The following PRRT4 variants were observed in gnomAD, a reference collection of about 807,000 sequenced individuals.
The protein encoded by PRRT4 is proline-rich transmembrane protein 4.
PRRT4 carries 59 observed loss-of-function variants against 55.6 expected under a neutral mutation model. The observed-to-expected ratio is 1.06, with a 90% CI of 0.86 to 1.32. PRRT4 has a LOEUF of 1.32. Among genes scored for constraint, PRRT4 ranks in the 40% most tolerant of loss-of-function variants. The pLI is 0.00. For synonymous variants in PRRT4, 606 were observed against 601.8 expected (o/e 1.01, Z -0.10); for missense variants, 1,217 against 1,222.0 (o/e 1.00, Z 0.06).
At position 128,361,578 on chromosome 7, in the gene PRRT4, C is replaced by CCCGCGCT. The variant is rs1214426414; in HGVS notation, c.-97_-91dup. On this transcript the variant is annotated 5_prime_UTR_variant, in exon 1 of 5. Transcript: ENST00000535159. ...GCTCTCACCAGGCGGGCGGCCAGGC[C>CCCGCGCT]CCGCGCTCCGCACTCCGCACTCCGC... 18 of 152,426 alleles carry CCCGCGCT rather than the reference C, an allele frequency of 1.2e-4. No individual in the cohort carries two copies. In the South Asian group the frequency reaches 2.0e-3, roughly 17 times the overall value. 9.4% of individuals were successfully genotyped at this position (152,426 alleles called of 1,614,324 possible).
chr7:128,351,437 A>G, exon 5 of PRRT4: 1 of 1,526,280 alleles, frequency 6.6e-7, no homozygotes. Context: ...GAAGCCGGGG[A>G]CGGGGCCGGG....
intron 4 of PRRT4, among the ~76,000 whole-genome samples, chr7:128,352,907 A>G (rs1180784349): frequency 1.3e-5 from 2 of 148,724 alleles, no homozygotes; most frequent in Non-Finnish European, 3.0e-5. Context: ...TCCTTCTCCT[A>G]CTTCTCGCGC....
exon 5 of PRRT4, chr7:128,351,305 C>T (rs772396929): frequency 2.4e-5 from 37 of 1,544,036 alleles, no homozygotes; most frequent in Non-Finnish European, 2.9e-5. Context: ...TCCTCGAAGG[C>T]AGGGCCCTGG....
chr7:128,359,551 C>A (rs1797193454), exon 2 of PRRT4: 4 of 1,490,930 alleles, frequency 2.7e-6, no homozygotes, highest in African/African-American at 1.4e-5. Flanking sequence ...TCCTCCTGGG[C>A]TGATAGGGGG....
At position 128,361,239 on chromosome 7, in the gene PRRT4, C is replaced by T. The variant is rs148000828; in HGVS notation, c.-73+322G>A. On this transcript the variant is annotated intron_variant, in intron 1 of 4. Transcript: ENST00000535159. The stretch of plus-strand genomic sequence containing the variant: ...CCCACACTCGTACACGCCCACCACC[C>T]CTCGCAGGCACACATGCACACACGC... 0.036 allele frequency: 5,459 copies of T among 149,728 alleles called. 141 individuals carry two copies. The highest frequency in any genetic ancestry group is 0.083 in the Middle Eastern group (23 of 276). The allele number at this position is 149,728 out of a possible 1,614,324, so 9.3% of individuals were successfully genotyped here.
chr7:128,354,077 C>T (rs551959186), intron 4 of PRRT4, among the ~76,000 whole-genome samples: 4 of 152,198 alleles, frequency 2.6e-5, no homozygotes, highest in South Asian at 4.2e-4. Context: ...GAAAGGGTGG[C>T]GAAGGATGTG....
chr7:128,355,235 T>C (rs1797089331), intron 4 of PRRT4, among the ~76,000 whole-genome samples: 1 of 152,234 alleles, frequency 6.6e-6, no homozygotes, highest in African/African-American at 2.4e-5. Context: ...TCTCACTTCA[T>C]TGCCCAGGCT....
At chr7:128,351,315 G>T in exon 5 of PRRT4, 1 of 1,545,242 alleles carries the variant, frequency 6.5e-7, no homozygotes. Flanking sequence ...CAGGGCCCTG[G>T]AAGAGGCCAG....
exon 5 of PRRT4, chr7:128,352,637 G>C: frequency 6.5e-7 from 1 of 1,539,128 alleles, no homozygotes; most frequent in Non-Finnish European, 8.7e-7. Context: ...AGGCTGGCGG[G>C]AGGAGAGAGG....
exon 2 of PRRT4, chr7:128,359,450 T>A: frequency 6.8e-7 from 1 of 1,462,410 alleles, no homozygotes; most frequent in South Asian, 1.5e-5. Context: ...CAGTGCCATG[T>A]CAAACTTCAG....
At chr7:128,351,033 T>G in exon 5 of PRRT4, 3 of 1,549,514 alleles carry the variant, frequency 1.9e-6, no homozygotes, top group Non-Finnish European at 2.6e-6. Flanking sequence ...TGGGGCTGCT[T>G]CCTGAGGGCC....
intron 3 of PRRT4, 115 bp downstream of exon 4, chr7:128,359,034 G>T: frequency 7.9e-7 from 1 of 1,260,596 alleles, no homozygotes; most frequent in Non-Finnish European, 1.1e-6. Context: ...ATATCCTAGG[G>T]CCTGGAAGAA....
chr7:128,360,840 C>A (rs1180600083), intron 1 of PRRT4, among the ~76,000 whole-genome samples: 1 of 152,100 alleles, frequency 6.6e-6, no homozygotes, highest in African/African-American at 2.4e-5. Context: ...AGAACTCTCT[C>A]CTCTGTGCGC....
exon 5 of PRRT4, chr7:128,351,758 A>G (rs1200733722): frequency 6.9e-7 from 1 of 1,447,666 alleles, no homozygotes; most frequent in Non-Finnish European, 9.0e-7. Flanking sequence ...CCTAGCTGGA[A>G]GGCCCACCAG....
chr7:128,356,870 G>A (rs1182307486), intron 4 of PRRT4, among the ~76,000 whole-genome samples: 1 of 152,196 alleles, frequency 6.6e-6, no homozygotes, highest in African/African-American at 2.4e-5. Flanking sequence ...TTCATGGAGG[G>A]TGGTTACACT....
In PRRT4 at chr7:128,359,160, G is replaced by A. The variant is rs1036124134; in HGVS notation, c.746C>T (p.Ser249Leu). 28 of 1,551,608 alleles carry A rather than the reference G, an allele frequency of 1.8e-5. No homozygotes were observed. The highest frequency in any genetic ancestry group is 3.9e-5 in the Admixed American group (2 of 50,988). ...TGAAATAAACTCACCCAGAGAACCC[G>A]AAACTCCAGAGGCAGAGCTTGTGGA... The change falls in exon 3 of 5, where the codon TCG becomes TTG. Residue 249 changes from serine to leucine, a missense_variant. By Grantham distance (145) the Ser-to-Leu change is moderately radical. This residue lies in a region of PRRT4 where 564 missense variants were observed against 592.9 expected (regional missense o/e 0.95). Transcript: ENST00000535159.
chr7:128,351,007 C>T (rs1193754060), exon 5 of PRRT4: 1 of 1,550,394 alleles, frequency 6.4e-7, no homozygotes. Context: ...CTGGTAGGAT[C>T]CTGAGGCCGG....
chr7:128,351,561 G>A, exon 5 of PRRT4: 1 of 1,490,214 alleles, frequency 6.7e-7, no homozygotes, highest in East Asian at 2.6e-5. Flanking sequence ...GAGCGATGGC[G>A]CTCCCCAGGG....
At chr7:128,356,705 G>A (rs1797118625) in intron 4 of PRRT4, among the ~76,000 whole-genome samples, 1 of 152,238 alleles carries the variant, frequency 6.6e-6, no homozygotes, top group Non-Finnish European at 1.5e-5. Context: ...GAGGGGTTGT[G>A]GGAGGGAACA....
Sources: allele counts gnomAD v4.1 joint callset (sites outside exome capture counted in the v4.1 genomes callset), GRCh38; gene constraint gnomAD v4.1.1; regional missense constraint gnomAD v4.1.1; transcripts MANE v1.5; gene names NCBI Gene and HGNC (gene_info 2026-07-23, HGNC 2026-07-21).